Variants in SLC14A2 observed in about 807,000 individuals in gnomAD.
SLC14A2 encodes the protein solute carrier family 14 member 2.
A neutral mutation model predicts 104.6 loss-of-function variants in SLC14A2; 91 were observed. That is an observed-to-expected ratio of 0.87 (90% CI 0.73 to 1.04). SLC14A2 has a LOEUF of 1.04. Among genes scored for constraint, SLC14A2 ranks in the 50% least tolerant of loss-of-function variants. The pLI, the probability that SLC14A2 is intolerant of heterozygous loss-of-function variation, is 0.00. For missense variants in SLC14A2, 1,189 were observed against 1,156.0 expected (o/e 1.03, Z -0.41); for synonymous variants, 476 against 466.4 (o/e 1.02, Z -0.27).
rs1427336837 is a variant in SLC14A2, at chr18:45,231,093, AG to A, written c.-125+17905del. 7.9e-5 allele frequency among the ~76,000 whole-genome samples: 12 copies of A among 152,266 alleles called. No homozygotes were observed. In the East Asian group the frequency reaches 2.3e-3, roughly 29 times the overall value. On this transcript the variant is annotated intron_variant, in intron 1 of 20. Transcript: ENST00000586448. The stretch of plus-strand genomic sequence containing the variant: ...AAGGGCATTACTATCCATGCTTTAC[AG>A]GGTAAGAAATTGACGCACAGAGAAG...
chr18:45,502,185 C>T (rs1031776992), intron 2 of SLC14A2, among the ~76,000 whole-genome samples: 7 of 152,130 alleles, frequency 4.6e-5, no homozygotes, highest in Non-Finnish European at 8.8e-5. Flanking sequence ...CTGAGAGATA[C>T]AGATATGGGA....
chr18:45,348,704 A>G (rs533847200), intron 1 of SLC14A2, among the ~76,000 whole-genome samples: 1 of 152,358 alleles, frequency 6.6e-6, no homozygotes, highest in East Asian at 1.9e-4. Flanking sequence ...TGGGTAGAAC[A>G]GTAATGATTT....
chr18:45,592,475 C>T (rs1211664462), intron 2 of SLC14A2, among the ~76,000 whole-genome samples: 2 of 152,210 alleles, frequency 1.3e-5, no homozygotes, highest in Non-Finnish European at 2.9e-5. Flanking sequence ...GCCCCATTCC[C>T]AGTCCCATCT....
chr18:45,615,489 C>G lies in SLC14A2; in HGVS notation c.-128C>G, dbSNP rs892657064. 1 of 152,206 alleles carries G rather than the reference C, an allele frequency of 6.6e-6. No homozygotes were observed. Among genetic ancestry groups the G allele is most frequent in the Non-Finnish European group, 1.5e-5 (1 of 68,044 alleles). 9.4% of individuals were successfully genotyped at this position (152,206 alleles called of 1,614,324 possible). A position where few individuals can be genotyped will look rare whatever the true frequency, so the allele number is the denominator to read the frequency against. On this transcript the variant is annotated 5_prime_UTR_variant, in exon 1 of 20. Coordinates refer to ENST00000255226, the MANE Select transcript of SLC14A2 (RefSeq NM_007163.4). Reference sequence around the variant, plus strand: ...AGTTCCTGCTCCACACCATCTCTCTCTTCTGCCGCCATTTGAGAAGGTCCA... The same window carrying G: ...AGTTCCTGCTCCACACCATCTCTCTGTTCTGCCGCCATTTGAGAAGGTCCA...
chr18:45,460,745 G>A (rs963836427), intron 1 of SLC14A2, among the ~76,000 whole-genome samples: 11 of 151,752 alleles, frequency 7.2e-5, no homozygotes, highest in South Asian at 2.1e-4. Context: ...GTTTTAATGC[G>A]ATACATGTAA....
chr18:45,460,002 C>T (rs551155735), intron 1 of SLC14A2, among the ~76,000 whole-genome samples: 17 of 152,300 alleles, frequency 1.1e-4, no homozygotes, highest in African/African-American at 3.8e-4. Context: ...CCATCCAGGT[C>T]CAATCTTTTT....
At chr18:45,472,080 A>C (rs1470289279) in intron 1 of SLC14A2, among the ~76,000 whole-genome samples, 1 of 151,926 alleles carries the variant, frequency 6.6e-6, no homozygotes, top group Non-Finnish European at 1.5e-5. Context: ...CCCTGTGTCC[A>C]TGTGTTCTCG....
the SLC14A2 span, among the ~76,000 whole-genome samples, chr18:45,207,393 G>C: frequency 6.9e-6 from 1 of 145,062 alleles, no homozygotes. Flanking sequence ...GGAAAGGGAG[G>C]GGGGAGGAAA....
At chr18:45,358,361 G>T (rs576767396) in intron 1 of SLC14A2, among the ~76,000 whole-genome samples, 2 of 152,226 alleles carry the variant, frequency 1.3e-5, no homozygotes, top group African/African-American at 4.8e-5. Flanking sequence ...CGCTACTGGG[G>T]CTTCATTTCT....
chr18:45,443,781 A>C (rs2542979), intron 1 of SLC14A2, among the ~76,000 whole-genome samples: 2 of 151,992 alleles, frequency 1.3e-5, no homozygotes, highest in Admixed American at 6.6e-5. Context: ...TGTTTTTCTG[A>C]GACCCTACAT....
chr18:45,626,504 T>C (rs1326370477), intron 3 of SLC14A2, among the ~76,000 whole-genome samples: 1 of 152,178 alleles, frequency 6.6e-6, no homozygotes, highest in Non-Finnish European at 1.5e-5. Flanking sequence ...ATTTCTTCCC[T>C]AGTGTCTTTT....
At chr18:45,532,612 T>A (rs896930545) in intron 2 of SLC14A2, among the ~76,000 whole-genome samples, 7 of 151,318 alleles carry the variant, frequency 4.6e-5, no homozygotes, top group Non-Finnish European at 1.0e-4. Context: ...GACAGTGGGG[T>A]TTTCTAGATA....
At chr18:45,211,501 T>G (rs2083961454), upstream of SLC14A2, among the ~76,000 whole-genome samples, 1 of 152,182 alleles carries the variant, frequency 6.6e-6, no homozygotes, top group South Asian at 2.1e-4. Context: ...ACAAATTAAT[T>G]CAAATTAATT....
chr18:45,642,709 G>A (rs924219689), intron 8 of SLC14A2, among the ~76,000 whole-genome samples: 3 of 152,172 alleles, frequency 2.0e-5, no homozygotes, highest in Non-Finnish European at 4.4e-5. Context: ...CATCACAGCT[G>A]CTCACAGTCT....
the SLC14A2 span, among the ~76,000 whole-genome samples, chr18:45,192,642 T>TTTTTGTTTTGTTTTG: frequency 0.013 from 1,822 of 144,872 alleles, 17 homozygotes; most frequent in Non-Finnish European, 0.017. Context: ...GTGTGGTTTT[T>TTTTTGTTTTGTTTTG]TTTTGTTTTG....
At chr18:45,568,717 T>C (rs1046725266) in intron 2 of SLC14A2, among the ~76,000 whole-genome samples, 3 of 152,198 alleles carry the variant, frequency 2.0e-5, no homozygotes, top group Admixed American at 6.5e-5. Context: ...CAATACGAAG[T>C]AGAGGCCAGC....
chr18:45,569,145 T>C (rs2144330619), intron 2 of SLC14A2, among the ~76,000 whole-genome samples: 1 of 152,320 alleles, frequency 6.6e-6, no homozygotes, highest in African/African-American at 2.4e-5. Flanking sequence ...TCACCCCTCA[T>C]GCCCCACTGT....
At chr18:45,418,139 TATTC>T (rs2086298497) in intron 1 of SLC14A2, among the ~76,000 whole-genome samples, 1 of 152,194 alleles carries the variant, frequency 6.6e-6, no homozygotes, top group South Asian at 2.1e-4. Flanking sequence ...AAAGCAACAA[TATTC>T]ATTTATTCAT....
chr18:45,187,405 C>T, the SLC14A2 span, among the ~76,000 whole-genome samples: 197 of 152,178 alleles, frequency 1.3e-3, 1 homozygote, highest in Middle Eastern at 6.8e-3. Flanking sequence ...CCACCAACTC[C>T]AACAGAATAG....
Sources: allele counts gnomAD v4.1 joint callset (sites outside exome capture counted in the v4.1 genomes callset), GRCh38; gene constraint gnomAD v4.1.1; transcripts MANE v1.5; gene names NCBI Gene and HGNC (gene_info 2026-07-23, HGNC 2026-07-21).